Variants in OSMR observed in about 807,000 individuals in gnomAD.
OSMR encodes the protein oncostatin M receptor, also known as oncostatin-M-specific receptor subunit beta.
OSMR carries 81 observed loss-of-function variants against 99.9 expected under a neutral mutation model. The ratio of observed to expected loss-of-function variants is 0.81; its 90% confidence interval spans 0.68 to 0.97. The LOEUF is 0.97. Among genes scored for constraint, OSMR ranks in the 50% least tolerant of loss-of-function variants. OSMR has a pLI of 0.00. For synonymous variants in OSMR, 406 were observed against 410.4 expected (o/e 0.99, Z 0.13); for missense variants, 1,099 against 1,153.4 (o/e 0.95, Z 0.68).
chr5:38,883,711 T>C, intron 4 of OSMR, 116 bp from the exon 5 acceptor site: 2 of 1,572,938 alleles, frequency 1.3e-6, no homozygotes, highest in Non-Finnish European at 1.7e-6. Context: ...TAGGTTGCTA[T>C]TTTCTCCAGG....
chr5:38,920,106 G>C (rs1746160397), intron 11 of OSMR, among the ~76,000 whole-genome samples: 1 of 152,138 alleles, frequency 6.6e-6, no homozygotes, highest in Non-Finnish European at 1.5e-5. Context: ...CTGAGGAAGG[G>C]AGAGACCAGT....
At position 38,869,067 on chromosome 5, in the gene OSMR, A is replaced by G. The variant is rs774318852; in HGVS notation, c.23A>G (p.Gln8Arg). The G allele has an allele frequency of 4.3e-6, 7 of 1,613,792 alleles. No individual in the cohort carries two copies. In the East Asian group the frequency reaches 1.6e-4, roughly 36 times the overall value. Reference protein sequence around the residue: MALFAVFQTTFFLTLLSL... With the variant: MALFAVFRTTFFLTLLSL... ...CTGATGGCTCTATTTGCAGTCTTTCAGACAACATTCTTCTTAACATTGCTG... is the reference window on the plus strand; with the variant it reads ...CTGATGGCTCTATTTGCAGTCTTTCGGACAACATTCTTCTTAACATTGCTG... Residue 8 changes from glutamine (Q) to arginine (R), a missense_variant, in exon 2 of 18, where the codon CAG becomes CGG. Coordinates refer to ENST00000274276, the MANE Select transcript of OSMR (RefSeq NM_003999.3).
intron 1 of OSMR, chr5:38,942,452 A>ATT (rs200385182): frequency 0.012 from 6,952 of 560,750 alleles, no homozygotes; most frequent in South Asian, 0.016. Context: ...TAAATATCTA[A>ATT]TTTTTTTTTT....
rs770785420 is a variant in OSMR at position 38,876,356 on chromosome 5, T to G, written c.229T>G (p.Ser77Ala). The change falls in exon 3 of 18, where the codon TCC becomes GCC. Residue 77 changes from serine (S) to alanine (A), a missense_variant. Ser to Ala is a moderately conservative substitution (Grantham distance 99). Coordinates refer to ENST00000274276, the MANE Select transcript of OSMR (RefSeq NM_003999.3). Reference sequence around the variant, plus strand: ...GATCCAGATCAGTAGGATTGAAACATCCAATGTCATCTGGGTGGTAAGTAA... The same window carrying G: ...GATCCAGATCAGTAGGATTGAAACAGCCAATGTCATCTGGGTGGTAAGTAA... ...FQIQISRIETSNVIWVGNYST... is the reference protein window; with the variant it reads ...FQIQISRIETANVIWVGNYST... 1 of 1,613,170 alleles carries G rather than the reference T, an allele frequency of 6.2e-7. No individual in the cohort carries two copies. The highest frequency in any genetic ancestry group is 8.5e-7 in the Non-Finnish European group (1 of 1,179,388).
chr5:38,921,876 A>AAAGT, intron 12 of OSMR, 82 bp downstream of exon 12: 1 of 1,177,032 alleles, frequency 8.5e-7, no homozygotes, highest in Non-Finnish European at 1.3e-6. Flanking sequence ...TACTTCACAG[A>AAAGT]CTTTGACTGT....
At chr5:38,921,255 AC>A (rs1184443106) in intron 11 of OSMR, among the ~76,000 whole-genome samples, 2 of 152,050 alleles carry the variant, frequency 1.3e-5, no homozygotes, top group African/African-American at 2.4e-5. Flanking sequence ...TATTTTTACA[AC>A]CCTTAAAATG....
At chr5:38,861,629 T>C (rs1482457193) in intron 1 of OSMR, among the ~76,000 whole-genome samples, 5 of 152,248 alleles carry the variant, frequency 3.3e-5, no homozygotes, top group Non-Finnish European at 7.3e-5. Context: ...CAATGAGCTG[T>C]TGGGTTCACC....
At chr5:38,906,116 A>G (rs1020286674) in intron 9 of OSMR, among the ~76,000 whole-genome samples, 2 of 150,066 alleles carry the variant, frequency 1.3e-5, no homozygotes, top group Non-Finnish European at 3.0e-5. Context: ...GGAATGTTGC[A>G]TTTTCCTCAG....
chr5:38,847,509 G>A (rs988100243), intron 1 of OSMR, among the ~76,000 whole-genome samples: 1 of 152,116 alleles, frequency 6.6e-6, no homozygotes, highest in Admixed American at 6.5e-5. Flanking sequence ...ACTGGGTGGG[G>A]TGTTTCATTA....
intron 1 of OSMR, among the ~76,000 whole-genome samples, chr5:38,860,614 A>AT (rs1741214320): frequency 1.3e-5 from 2 of 151,776 alleles, no homozygotes; most frequent in African/African-American, 2.4e-5. Context: ...CTCTCCTTTA[A>AT]TTTTTTTTGA....
Position 38,933,172 on chromosome 5 carries a change from C to T in OSMR, c.2668C>T (p.Pro890Ser), listed in dbSNP as rs754558776. 18 of 1,614,026 alleles carry T rather than the reference C, an allele frequency of 1.1e-5. No individual in the cohort carries two copies. Among genetic ancestry groups the T allele is most frequent in the Admixed American group, 1.0e-4 (6 of 60,004 alleles). Residue 890 changes from proline to serine, a missense_variant, in exon 18 of 18, where the codon CCT becomes TCT. Physicochemically the swap from Pro to Ser is moderately conservative, Grantham distance 74 (BLOSUM62 -1). Coordinates refer to ENST00000274276, the MANE Select transcript of OSMR (RefSeq NM_003999.3). ...APSMLGLMTS[P>S]ENVLKALEKN... ...AAGTATGCTGGGACTAATGACCTCACCTGAAAATGTACTAAAGGCACTAGA... is the reference window on the plus strand; with the variant it reads ...AAGTATGCTGGGACTAATGACCTCATCTGAAAATGTACTAAAGGCACTAGA...
chr5:38,913,058 A>C (rs894548990), intron 9 of OSMR, among the ~76,000 whole-genome samples: 1 of 152,192 alleles, frequency 6.6e-6, no homozygotes, highest in Non-Finnish European at 1.5e-5. Flanking sequence ...AATTGCAACA[A>C]AAACAAAAAT....
At chr5:38,849,595 C>T in intron 1 of OSMR, among the ~76,000 whole-genome samples, 1 of 151,842 alleles carries the variant, frequency 6.6e-6, no homozygotes, top group East Asian at 1.9e-4. Context: ...TACATTTTCT[C>T]TTTACAAATA....
rs570130990 is a variant in OSMR, at chr5:38,888,274, T to C, written c.991+2084T>C. 4.3e-4 allele frequency among the ~76,000 whole-genome samples: 66 copies of C among 152,246 alleles called. No individual in the cohort carries two copies. In the Middle Eastern group the frequency reaches 0.01, roughly 24 times the overall value. ...AATATGCAAATGCAGGGCACCTTGA[T>C]GTTCTGCACACGTGGGGATATGTGG... On this transcript the variant is annotated intron_variant, in intron 7 of 17. Coordinates refer to ENST00000274276, the MANE Select transcript of OSMR (RefSeq NM_003999.3).
intron 9 of OSMR, among the ~76,000 whole-genome samples, chr5:38,914,837 G>C (rs1387752875): frequency 6.6e-6 from 1 of 152,138 alleles, no homozygotes; most frequent in Non-Finnish European, 1.5e-5. Context: ...TACTAGAAGG[G>C]GAAGGAAGGG....
chr5:38,895,287 C>T (rs1343617430), intron 7 of OSMR, among the ~76,000 whole-genome samples: 2 of 152,004 alleles, frequency 1.3e-5, no homozygotes, highest in Non-Finnish European at 2.9e-5. Flanking sequence ...AAAACCCATA[C>T]AAAGGCTCAA....
At chr5:38,864,040 A>G (rs1163807538) in intron 1 of OSMR, among the ~76,000 whole-genome samples, 1 of 152,178 alleles carries the variant, frequency 6.6e-6, no homozygotes, top group East Asian at 1.9e-4. Flanking sequence ...GTCTATATGT[A>G]TCTTTATGGG....
chr5:38,933,335 A>T lies in OSMR; in HGVS notation c.2831A>T (p.Glu944Val). Reference sequence around the variant, plus strand: ...CCAGTAGAGGCACCACACTGTTCAGAGTATAAAATGCAAATGGCAGTCTCC... The same window carrying T: ...CCAGTAGAGGCACCACACTGTTCAGTGTATAAAATGCAAATGGCAGTCTCC... The part of the protein sequence containing the change: ...TNPVEAPHCS[E>V]YKMQMAVSLR... The change falls in exon 18 of 18, where the codon GAG becomes GTG. Residue 944 changes from glutamate (E) to valine (V), a missense_variant. By Grantham distance (121) the Glu-to-Val change is moderately radical. Coordinates refer to ENST00000274276, the MANE Select transcript of OSMR (RefSeq NM_003999.3). 6.2e-7 allele frequency: 1 copy of T among 1,614,210 alleles called. No individual in the cohort carries two copies. The highest frequency in any genetic ancestry group is 1.1e-5 in the South Asian group (1 of 91,078).
Position 38,933,428 on chromosome 5 carries a change from GTGAACACTACTGCTAACCAGCATGCCGAT to G in OSMR, c.2926_*14del. The G allele has an allele frequency of 6.2e-7, 1 of 1,614,000 alleles. No homozygotes were observed. The highest frequency in any genetic ancestry group is 8.5e-7 in the Non-Finnish European group (1 of 1,179,970). On this transcript the variant is annotated stop_lost and 3_prime_UTR_variant, in exon 18 of 18. Coordinates refer to ENST00000274276, the MANE Select transcript of OSMR (RefSeq NM_003999.3). ...TCCTCAATTACCCTTTTAGATCCAG[GTGAACACTACTGCTAACCAGCATGCCGAT>G]TTCATACCTTATGCTACACAGACAT...
Sources: allele counts gnomAD v4.1 joint callset (sites outside exome capture counted in the v4.1 genomes callset), GRCh38; gene constraint gnomAD v4.1.1; transcripts MANE v1.5; gene names NCBI Gene and HGNC (gene_info 2026-07-23, HGNC 2026-07-21).